ANKRD13A: variants seen among roughly 807,000 people sequenced by gnomAD.
The protein encoded by ANKRD13A is ankyrin repeat domain-containing protein 13A.
A neutral mutation model predicts 81.3 loss-of-function variants in ANKRD13A; 48 were observed. The observed-to-expected ratio is 0.59, with a 90% CI of 0.47 to 0.75. The LOEUF is 0.75. Among genes scored for constraint, ANKRD13A ranks in the 30% least tolerant of loss-of-function variants. ANKRD13A has a pLI of 0.00. For synonymous variants in ANKRD13A, 230 were observed against 270.1 expected, an observed-to-expected ratio of 0.85 and a Z score of 1.45; for missense variants, 612 against 734.0, an observed-to-expected ratio of 0.83 and a Z score of 1.92.
chr12:110,019,027 A>G (rs964857512), intron 5 of ANKRD13A, 112 bp from the exon 6 acceptor site: 5 of 1,160,220 alleles, frequency 4.3e-6, no homozygotes, highest in African/African-American at 1.5e-5. Flanking sequence ...GTTTTACCAG[A>G]TAGCACCTGG....
intron 6 of ANKRD13A, among the ~76,000 whole-genome samples, chr12:110,022,936 T>C (rs1271164371): frequency 6.6e-6 from 1 of 152,260 alleles, no homozygotes; most frequent in Non-Finnish European, 1.5e-5. Context: ...TGATCCCTCC[T>C]GTTCTGATGG....
intron 14 of ANKRD13A, 78 bp from the exon 15 acceptor site, chr12:110,037,281 G>A (rs756738305): frequency 2.5e-4 from 348 of 1,394,398 alleles, no homozygotes; most frequent in Admixed American, 4.4e-4. Context: ...CTTGGTAAGC[G>A]GTTAAGAAAT....
chr12:110,023,741 T>C (rs753247338), intron 6 of ANKRD13A: 3 of 268,988 alleles, frequency 1.1e-5, no homozygotes, highest in Non-Finnish European at 2.1e-5. Context: ...CAGTCACTTC[T>C]TTGGGACTGC....
chr12:110,031,065 C>T (rs1891661138), intron 12 of ANKRD13A, among the ~76,000 whole-genome samples: 1 of 151,720 alleles, frequency 6.6e-6, no homozygotes, highest in Non-Finnish European at 1.5e-5. Context: ...GAGATTGTAC[C>T]ATTGCACTCC....
intron 13 of ANKRD13A, among the ~76,000 whole-genome samples, chr12:110,035,438 C>A (rs895971398): frequency 6.7e-6 from 1 of 149,866 alleles, no homozygotes; most frequent in Admixed American, 6.6e-5. Flanking sequence ...GATCCTATAT[C>A]TACCAAATTT....
At chr12:110,010,018 C>A (rs762769885) in intron 1 of ANKRD13A, among the ~76,000 whole-genome samples, 2 of 152,230 alleles carry the variant, frequency 1.3e-5, no homozygotes, top group Non-Finnish European at 2.9e-5. Flanking sequence ...AGGCACTCAC[C>A]ACCTCGCCTG....
At chr12:110,028,312 A>T in intron 9 of ANKRD13A, 200 bp from the exon 10 acceptor site, 1 of 498,766 alleles carries the variant, frequency 2.0e-6, no homozygotes, top group Non-Finnish European at 3.5e-6. Context: ...GAAATATTTT[A>T]AAATGAAGAA....
intron 1 of ANKRD13A, among the ~76,000 whole-genome samples, chr12:110,008,358 TA>T (rs1209784922): frequency 1.3e-5 from 2 of 152,240 alleles, no homozygotes; most frequent in Admixed American, 1.3e-4. Context: ...CAGTTGGTCA[TA>T]GTGTATAATA....
chr12:110,024,410 TAA>T (rs76440971), intron 7 of ANKRD13A, among the ~76,000 whole-genome samples: 1 of 144,212 alleles, frequency 6.9e-6, no homozygotes, highest in Non-Finnish European at 1.5e-5. Flanking sequence ...CTTAATTATT[TAA>T]AAAAAAAAAA....
At chr12:110,010,187 A>C (rs761557149) in intron 1 of ANKRD13A, among the ~76,000 whole-genome samples, 5 of 152,098 alleles carry the variant, frequency 3.3e-5, no homozygotes, top group Non-Finnish European at 7.4e-5. Context: ...GTTAATCCTT[A>C]CTCTGCGCTT....
chr12:110,033,677 G>C, intron 12 of ANKRD13A, 120 bp from the exon 13 acceptor site: 1 of 927,236 alleles, frequency 1.1e-6, no homozygotes, highest in Non-Finnish European at 1.5e-6. Context: ...TCATATAATA[G>C]TAAGCCTTGA....
At chr12:110,016,746 T>G (rs1890823618) in intron 4 of ANKRD13A, among the ~76,000 whole-genome samples, 1 of 152,100 alleles carries the variant, frequency 6.6e-6, no homozygotes, top group Non-Finnish European at 1.5e-5. Context: ...TTTTAAAATG[T>G]CACTTTATTT....
chr12:110,000,677 C>T (rs1279044002), intron 1 of ANKRD13A, among the ~76,000 whole-genome samples: 2 of 151,944 alleles, frequency 1.3e-5, no homozygotes, highest in African/African-American at 4.8e-5. Context: ...CCAAGACAGC[C>T]CCCCGCAACT....
Position 110,012,030 on chromosome 12 carries a change from G to A in ANKRD13A, c.122G>A (p.Gly41Asp). 3 of 1,610,342 alleles carry A rather than the reference G, an allele frequency of 1.9e-6. No individual in the cohort carries two copies. The Admixed American group carries it at 5.0e-5, about 27-fold the overall frequency. The change falls in exon 2 of 15, where the codon GGT becomes GAT. Residue 41 changes from glycine to aspartate, a missense_variant. Physicochemically the swap from Gly to Asp is moderately conservative, Grantham distance 94 (BLOSUM62 -1). Coordinates refer to ENST00000261739, the MANE Select transcript of ANKRD13A (RefSeq NM_033121.2). ...AATGTGGAGGCTGTGGACCCACGAG[G>A]TCGAACATTATTGCATCTTGCTGTT... is the stretch of plus-strand genomic sequence containing the variant. ...GQNVEAVDPR[G>D]RTLLHLAVSL...
intron 1 of ANKRD13A, among the ~76,000 whole-genome samples, chr12:110,003,427 G>A (rs1353677581): frequency 6.6e-6 from 1 of 152,194 alleles, no homozygotes; most frequent in African/African-American, 2.4e-5. Flanking sequence ...GTGCCCCCTT[G>A]GTCATCGGGG....
intron 6 of ANKRD13A, 52 bp from the exon 7 acceptor site, chr12:110,023,994 T>C: frequency 6.5e-7 from 1 of 1,540,468 alleles, no homozygotes; most frequent in Non-Finnish European, 8.9e-7. Context: ...CAGATATAAA[T>C]CTGAATGGCA....
chr12:110,014,801 T>TTTTTTTTTTTTTTTA (rs1411282830), intron 3 of ANKRD13A, among the ~76,000 whole-genome samples: 2 of 151,424 alleles, frequency 1.3e-5, no homozygotes, highest in Admixed American at 6.6e-5. Context: ...TTTTTTTTTT[T>TTTTTTTTTTTTTTTA]GAGACGGAAT....
chr12:110,027,410 G>T, intron 8 of ANKRD13A: 1 of 357,610 alleles, frequency 2.8e-6, no homozygotes. Context: ...CAGAACACAT[G>T]GGTAGCGAGT....
chr12:110,012,787 C>G (rs55737380), intron 2 of ANKRD13A, among the ~76,000 whole-genome samples: 8,958 of 152,246 alleles, frequency 0.059, 665 homozygotes, highest in African/African-American at 0.18. Context: ...TACTGTAGGC[C>G]AAGCCCTGCC....
Sources: allele counts gnomAD v4.1 joint callset (sites outside exome capture counted in the v4.1 genomes callset), GRCh38; gene constraint gnomAD v4.1.1; transcripts MANE v1.5; gene names NCBI Gene and HGNC (gene_info 2026-07-23, HGNC 2026-07-21).